Variants in AFF3 observed in about 807,000 individuals in gnomAD.
AFF3 encodes the protein AF4/FMR2 family member 3.
In AFF3, 32 loss-of-function variants were observed where a neutral mutation model predicts 129.7. The observed-to-expected ratio is 0.25, with a 90% CI of 0.19 to 0.33. AFF3 has a LOEUF of 0.33. AFF3 is among the 10% of genes least tolerant of loss of function. The pLI is 1.00. For synonymous variants in AFF3, 644 were observed against 635.4 expected, an observed-to-expected ratio of 1.01 and a Z score of -0.20; for missense variants, 1,373 against 1,592.0, an observed-to-expected ratio of 0.86 and a Z score of 2.34.
At chr2:100,116,860 C>A (rs2105545042) in intron 2 of AFF3, among the ~76,000 whole-genome samples, 1 of 152,084 alleles carries the variant, frequency 6.6e-6, no homozygotes, top group African/African-American at 2.4e-5. Context: ...TTCTCTGTTT[C>A]TTTTAGTAAG....
chr2:99,646,732 G>A (rs1684728390), intron 13 of AFF3, among the ~76,000 whole-genome samples: 1 of 152,110 alleles, frequency 6.6e-6, no homozygotes, highest in South Asian at 2.1e-4. Flanking sequence ...CATTTTTCTA[G>A]AAAATATTGG....
intron 13 of AFF3, among the ~76,000 whole-genome samples, chr2:99,627,596 T>C (rs997119246): frequency 6.6e-6 from 1 of 152,216 alleles, no homozygotes. Flanking sequence ...CATGTGTCAA[T>C]TTTTGCTTTT....
intron 7 of AFF3, among the ~76,000 whole-genome samples, chr2:99,923,832 A>G (rs1431372704): frequency 6.6e-6 from 1 of 152,174 alleles, no homozygotes; most frequent in Non-Finnish European, 1.5e-5. Context: ...TGCTGCCTCT[A>G]GAGAGTCACG....
chr2:99,572,975 G>C (rs1230969909), intron 18 of AFF3, among the ~76,000 whole-genome samples: 6 of 152,170 alleles, frequency 3.9e-5, no homozygotes, highest in African/African-American at 1.4e-4. Flanking sequence ...GTCATTCACT[G>C]TTTCTTCAGG....
At chr2:99,872,318 C>CCTCTGAGT (rs1167951596) in intron 7 of AFF3, among the ~76,000 whole-genome samples, 1 of 151,544 alleles carries the variant, frequency 6.6e-6, no homozygotes, top group Non-Finnish European at 1.5e-5. Context: ...TGTGCTTTTG[C>CCTCTGAGT]CTCTGAGTCC....
chr2:99,813,455 T>G (rs1686955670), intron 8 of AFF3, among the ~76,000 whole-genome samples: 1 of 152,198 alleles, frequency 6.6e-6, no homozygotes, highest in South Asian at 2.1e-4. Flanking sequence ...AGAATTCACT[T>G]TGCCTTCAGG....
chr2:99,706,641 A>G (rs1476968187), intron 11 of AFF3, among the ~76,000 whole-genome samples: 1 of 152,262 alleles, frequency 6.6e-6, no homozygotes, highest in East Asian at 1.9e-4. Flanking sequence ...AGAAAAGGCA[A>G]TAATAGTTCA....
At chr2:99,671,060 A>G (rs4850912) in intron 12 of AFF3, among the ~76,000 whole-genome samples, 86,909 of 152,036 alleles carry the variant, frequency 0.57, 25,438 homozygotes, top group African/African-American at 0.7. Context: ...AGCTCAGGAA[A>G]TTATTTCCAA....
chr2:100,120,175 A>G (rs1474520448), intron 2 of AFF3, among the ~76,000 whole-genome samples: 1 of 152,218 alleles, frequency 6.6e-6, no homozygotes. Context: ...GGAAGGCGAC[A>G]CACCTGCCAG....
At chr2:99,960,633 C>T (rs999996992) in intron 7 of AFF3, among the ~76,000 whole-genome samples, 4 of 152,198 alleles carry the variant, frequency 2.6e-5, no homozygotes, top group South Asian at 2.1e-4. Flanking sequence ...GTCAAGCTTG[C>T]TCTCTCCGTC....
intron 4 of AFF3, among the ~76,000 whole-genome samples, chr2:100,050,937 T>G (rs1037601939): frequency 6.6e-6 from 1 of 152,218 alleles, no homozygotes; most frequent in Non-Finnish European, 1.5e-5. Flanking sequence ...GCCAGAAGAA[T>G]GCCACATTCC....
intron 4 of AFF3, among the ~76,000 whole-genome samples, chr2:100,048,481 C>T (rs1222562939): frequency 6.6e-6 from 1 of 152,188 alleles, no homozygotes; most frequent in Non-Finnish European, 1.5e-5. Flanking sequence ...ATTTCCTAGT[C>T]TAGTTTTACA....
At chr2:99,788,826 C>A (rs1575987896) in intron 8 of AFF3, among the ~76,000 whole-genome samples, 2 of 152,252 alleles carry the variant, frequency 1.3e-5, no homozygotes, top group Non-Finnish European at 2.9e-5. Context: ...TGCAAGTATA[C>A]TATTTTTAAA....
At chr2:99,708,480 TCCCC>T (rs1293208548) in intron 11 of AFF3, among the ~76,000 whole-genome samples, 1 of 152,104 alleles carries the variant, frequency 6.6e-6, no homozygotes, top group Non-Finnish European at 1.5e-5. Context: ...GCAAAATTGG[TCCCC>T]CAGGCAACAT....
rs557853114 is a variant in AFF3, at chr2:100,009,953, A to AT, written c.54-1022dup. On this transcript the variant is annotated intron_variant, in intron 4 of 24. Transcript: ENST00000672756. ...AGGTGGGTTCAGTGACCTGGCCATC[A>AT]TTCTGCTTCCAGCTCCCACTTGGTC... 3.5e-3 allele frequency among the ~76,000 whole-genome samples: 526 copies of AT among 152,242 alleles called. 3 individuals carry two copies. Among genetic ancestry groups the AT allele is most frequent in the African/African-American group, 0.011 (469 of 41,542 alleles).
intron 7 of AFF3, among the ~76,000 whole-genome samples, chr2:99,970,396 T>A (rs897600218): frequency 6.6e-6 from 1 of 152,084 alleles, no homozygotes; most frequent in Non-Finnish European, 1.5e-5. Flanking sequence ...CTAGAAAACA[T>A]CTCCCTCCCT....
intron 13 of AFF3, among the ~76,000 whole-genome samples, chr2:99,647,703 C>T (rs745494125): frequency 1.3e-5 from 2 of 152,162 alleles, no homozygotes; most frequent in Non-Finnish European, 2.9e-5. Flanking sequence ...GGTAGCTTTA[C>T]ACAACTGCAC....
chr2:100,019,806 T>G (rs187296994), intron 4 of AFF3, among the ~76,000 whole-genome samples: 10 of 152,062 alleles, frequency 6.6e-5, no homozygotes, highest in Non-Finnish European at 1.5e-4. Context: ...ACCTCAGTCT[T>G]CACGCCCTTT....
At chr2:99,961,784 C>G (rs13382597) in intron 7 of AFF3, among the ~76,000 whole-genome samples, 28,835 of 152,166 alleles carry the variant, frequency 0.19, 3,552 homozygotes, top group African/African-American at 0.34. Flanking sequence ...ATTTCCCAAC[C>G]CACAGCCTAT....
Sources: gnomAD v4.1 joint callset for allele counts (sites outside exome capture counted in the v4.1 genomes callset) on GRCh38, gnomAD v4.1.1 for gene constraint, MANE v1.5 for transcripts, NCBI Gene and HGNC (gene_info 2026-07-23, HGNC 2026-07-21) for gene names.